MMD2: variants seen among roughly 807,000 people sequenced by gnomAD.
The protein encoded by MMD2 is monocyte to macrophage differentiation factor 2.
A neutral mutation model predicts 33.5 loss-of-function variants in MMD2; 30 were observed. The ratio of observed to expected loss-of-function variants is 0.90; its 90% CI spans 0.67 to 1.22. The LOEUF (loss-of-function observed/expected upper bound fraction) is 1.22. MMD2 is among the 50% of genes most tolerant of loss of function. The probability of loss-of-function intolerance (pLI) is 0.00; values close to 1 mark genes in which losing one functional copy is unlikely to be tolerated. For synonymous variants in MMD2, 129 were observed against 123.0 expected (o/e 1.05, Z -0.32); for missense variants, 364 against 325.4 (o/e 1.12, Z -0.91).
intron 1 of MMD2, among the ~76,000 whole-genome samples, chr7:4,930,645 C>CAAAAA (rs57731564): frequency 3.3e-5 from 4 of 120,518 alleles, no homozygotes; most frequent in East Asian, 2.6e-4. Context: ...ACTCTGTCTC[C>CAAAAA]AAAAAAAAAA....
chr7:4,909,780 T>G (rs774526623), intron 6 of MMD2, 101 bp downstream of exon 6: 1 of 1,501,398 alleles, frequency 6.7e-7, no homozygotes, highest in South Asian at 1.2e-5. Flanking sequence ...TTTCCCCGCC[T>G]GCCAAAGGAG....
At chr7:4,923,764 A>C (rs1191512631) in intron 2 of MMD2, among the ~76,000 whole-genome samples, 3 of 152,140 alleles carry the variant, frequency 2.0e-5, no homozygotes, top group Non-Finnish European at 1.5e-5. Context: ...CGATGCACAC[A>C]GCATGGGACT....
At chr7:4,937,429 A>G (rs1359764181) in intron 1 of MMD2, among the ~76,000 whole-genome samples, 1 of 151,756 alleles carries the variant, frequency 6.6e-6, no homozygotes, top group Non-Finnish European at 1.5e-5. Context: ...AGAAAGAAAG[A>G]GAAAGAAAGA....
intron 2 of MMD2, among the ~76,000 whole-genome samples, chr7:4,920,612 C>G (rs1029263354): frequency 1.3e-5 from 2 of 148,968 alleles, no homozygotes; most frequent in Non-Finnish European, 3.0e-5. Flanking sequence ...TTTCCCTTTT[C>G]CCCTTTCCTT....
intron 1 of MMD2, among the ~76,000 whole-genome samples, chr7:4,928,757 T>C (rs1046115628): frequency 3.8e-4 from 58 of 151,740 alleles, no homozygotes; most frequent in African/African-American, 1.4e-3. Flanking sequence ...GTATGCTGGC[T>C]CCATGCTAAG....
At chr7:4,893,626 A>G in the MMD2 span, among the ~76,000 whole-genome samples, 1 of 151,792 alleles carries the variant, frequency 6.6e-6, no homozygotes, top group Admixed American at 6.6e-5. Flanking sequence ...TCCTGACCTC[A>G]GGTGATGTGC....
the MMD2 span, among the ~76,000 whole-genome samples, chr7:4,899,412 G>A: frequency 4.7e-5 from 7 of 149,136 alleles, no homozygotes; most frequent in African/African-American, 7.4e-5. Flanking sequence ...TTTTTGAAAC[G>A]AAGTCTTGCT....
intron 1 of MMD2, among the ~76,000 whole-genome samples, chr7:4,926,285 G>A (rs564379789): frequency 1.4e-4 from 22 of 152,114 alleles, no homozygotes; most frequent in African/African-American, 4.6e-4. Context: ...ATTTTTTATA[G>A]AGACAGGGTT....
At chr7:4,921,104 G>A (rs1427855826) in intron 2 of MMD2, among the ~76,000 whole-genome samples, 1 of 152,104 alleles carries the variant, frequency 6.6e-6, no homozygotes, top group African/African-American at 2.4e-5. Flanking sequence ...TTCTCAAAGG[G>A]GTCCATGTAT....
Position 4,954,339 on chromosome 7 carries a change from A to G in MMD2, c.47+4632T>C, listed in dbSNP as rs901329429. Among the ~76,000 whole-genome samples, 4 of 152,086 alleles carry G rather than the reference A, an allele frequency of 2.6e-5. No homozygotes were observed. In the South Asian group the frequency reaches 8.3e-4, roughly 32 times the overall value. On this transcript the variant is annotated intron_variant, in intron 1 of 6. Coordinates refer to ENST00000401401, the MANE Select transcript of MMD2 (RefSeq NM_198403.4). ...TTTGGATATTAATTACTTGTTGGTTAAAGGTGTTGCAAATATGTCCTTTGC... is the reference window on the plus strand; with the variant it reads ...TTTGGATATTAATTACTTGTTGGTTGAAGGTGTTGCAAATATGTCCTTTGC...
intron 1 of MMD2, among the ~76,000 whole-genome samples, chr7:4,953,953 G>C (rs1419290189): frequency 2.6e-5 from 4 of 151,664 alleles, no homozygotes; most frequent in Non-Finnish European, 2.9e-5. Flanking sequence ...TGAACTCCCA[G>C]GCTCAAGGGA....
chr7:4,957,474 C>A (rs945403018), intron 1 of MMD2, among the ~76,000 whole-genome samples: 4 of 151,710 alleles, frequency 2.6e-5, no homozygotes, highest in African/African-American at 9.7e-5. Context: ...CGGTGAAACC[C>A]CAGTCTCTAC....
chr7:4,949,137 G>T (rs1197732770), intron 1 of MMD2, among the ~76,000 whole-genome samples: 1 of 151,182 alleles, frequency 6.6e-6, no homozygotes, highest in Non-Finnish European at 1.5e-5. Flanking sequence ...TTGAGCCTGG[G>T]AGGCAAAGGT....
At chr7:4,910,163 G>T in intron 5 of MMD2, 2 of 1,032,710 alleles carry the variant, frequency 1.9e-6, no homozygotes, top group Non-Finnish European at 2.8e-6. Context: ...TTCCCTCCCT[G>T]AGACTCACTT....
At chr7:4,958,757 G>A (rs918664156) in intron 1 of MMD2, among the ~76,000 whole-genome samples, 1 of 152,204 alleles carries the variant, frequency 6.6e-6, no homozygotes, top group Non-Finnish European at 1.5e-5. Flanking sequence ...TTGCCCAATG[G>A]CACCCAGCGA....
downstream of MMD2, among the ~76,000 whole-genome samples, chr7:4,902,197 C>A (rs369099155): frequency 9.8e-5 from 15 of 152,326 alleles, no homozygotes; most frequent in African/African-American, 3.6e-4. Context: ...AGTGATCCAC[C>A]CGCCTTGGCC....
At chr7:4,950,033 A>G (rs983483840) in intron 1 of MMD2, among the ~76,000 whole-genome samples, 16 of 152,018 alleles carry the variant, frequency 1.1e-4, no homozygotes, top group Admixed American at 5.3e-4. Flanking sequence ...TATCCTAACC[A>G]TTTTTAAGCA....
chr7:4,892,792 T>C, the MMD2 span, among the ~76,000 whole-genome samples: 4 of 151,488 alleles, frequency 2.6e-5, no homozygotes, highest in African/African-American at 9.7e-5. Context: ...CTTGGCTCAC[T>C]GCAACCTCTG....
chr7:4,945,170 T>A (rs1475126524), intron 1 of MMD2, among the ~76,000 whole-genome samples: 2 of 102,312 alleles, frequency 2.0e-5, no homozygotes, highest in Non-Finnish European at 4.4e-5. Flanking sequence ...TTCTTCCTTC[T>A]TCCTCCTCTT....
Sources: allele counts gnomAD v4.1 joint callset (sites outside exome capture counted in the v4.1 genomes callset), GRCh38; gene constraint gnomAD v4.1.1; transcripts MANE v1.5; gene names NCBI Gene and HGNC (gene_info 2026-07-23, HGNC 2026-07-21).